BCLAF1: variants seen among roughly 807,000 people sequenced by gnomAD.
BCLAF1 encodes bcl-2-associated transcription factor 1.
In BCLAF1, 10 loss-of-function variants were observed where a neutral mutation model predicts 99.5. The ratio of observed to expected loss-of-function variants is 0.10; its 90% CI spans 0.06 to 0.17. The LOEUF (loss-of-function observed/expected upper bound fraction) is 0.17, where lower values mean the gene tolerates loss of function less well. BCLAF1 is among the 10% of genes least tolerant of loss of function. The pLI is 1.00. For missense variants in BCLAF1, 636 were observed against 1,105.8 expected (o/e 0.58, Z 6.02); for synonymous variants, 255 against 370.9 (o/e 0.69, Z 3.59).
intron 1 of BCLAF1, among the ~76,000 whole-genome samples, chr6:136,284,039 G>C (rs906104992): frequency 2.6e-5 from 4 of 150,964 alleles, no homozygotes; most frequent in Non-Finnish European, 5.9e-5. Flanking sequence ...ACTCCTAGAA[G>C]TGGTACAAGG....
Position 136,259,227 on chromosome 6 carries a change from G to C in BCLAF1, c.*1883C>G, listed in dbSNP as rs573169513. 6.6e-6 allele frequency: 1 copy of C among 151,952 alleles called. No homozygotes were observed. The highest frequency in any genetic ancestry group is 1.5e-5 in the Non-Finnish European group (1 of 67,854). The allele number at this position is 151,952 out of a possible 1,614,324, so 9.4% of individuals were successfully genotyped here. A position where few individuals can be genotyped will look rare whatever the true frequency, so the allele number is the denominator to read the frequency against. On this transcript the variant is annotated 3_prime_UTR_variant, in exon 13 of 13. Coordinates refer to ENST00000531224, the MANE Select transcript of BCLAF1 (RefSeq NM_014739.3). ...AACCAAAGGTTAAAGCAATGCATTT[G>C]AACTTAAAATATAACCTGCCCACAG... is the stretch of plus-strand genomic sequence containing the variant.
At position 136,278,125 on chromosome 6, in the gene BCLAF1, G is replaced by A. The variant is rs777651392; in HGVS notation, c.756C>T (p.His252=). ...CSDAPMLSTV[H]SAKNTPSQHS... ...GCTGAGAAGGAGTATTTTTTGCAGAGTGAACTGTACTGAGCATGGGAGCAT... is the reference window on the plus strand; with the variant it reads ...GCTGAGAAGGAGTATTTTTTGCAGAATGAACTGTACTGAGCATGGGAGCAT... Residue 252 remains histidine, a synonymous_variant, in exon 4 of 13, where the codon CAC becomes CAT. Coordinates refer to ENST00000531224, the MANE Select transcript of BCLAF1 (RefSeq NM_014739.3). 1 of 1,603,104 alleles carries A rather than the reference G, an allele frequency of 6.2e-7. No individual in the cohort carries two copies. Among genetic ancestry groups the A allele is most frequent in the South Asian group, 1.1e-5 (1 of 90,050 alleles).
chr6:136,279,615 C>A, intron 3 of BCLAF1, 148 bp downstream of exon 3: 3 of 840,102 alleles, frequency 3.6e-6, no homozygotes, highest in Non-Finnish European at 4.7e-6. Context: ...CTCATTTTCT[C>A]GCTTACAATA....
rs936620509 is a variant in BCLAF1, at chr6:136,267,423, A to G, written c.2398-248T>C. Among the ~76,000 whole-genome samples, 6 of 151,982 alleles carry G rather than the reference A, an allele frequency of 3.9e-5. No individual in the cohort carries two copies. In the East Asian group the frequency reaches 5.8e-4, roughly 15 times the overall value. On this transcript the variant is annotated intron_variant, in intron 10 of 12. Coordinates refer to ENST00000531224, the MANE Select transcript of BCLAF1 (RefSeq NM_014739.3). The stretch of plus-strand genomic sequence containing the variant: ...TACTGTACTTTCATGGACTGAACTA[A>G]TATTTTTAAATAATCAAGTTGTTTT...
intron 3 of BCLAF1, 130 bp from the exon 4 acceptor site, chr6:136,278,906 G>T: frequency 4.4e-6 from 4 of 903,300 alleles, no homozygotes; most frequent in Non-Finnish European, 6.2e-6. Context: ...AAACTCATCT[G>T]TACAAAAGTT....
intron 8 of BCLAF1, among the ~76,000 whole-genome samples, chr6:136,271,256 T>C (rs928464509): frequency 6.6e-6 from 1 of 151,876 alleles, no homozygotes; most frequent in African/African-American, 2.4e-5. Flanking sequence ...AAGCAGTACT[T>C]CCAAGTCCCC....
chr6:136,260,989 T>A lies in BCLAF1; in HGVS notation c.*121A>T, dbSNP rs998199203. The A allele has an allele frequency of 9.2e-7, 1 of 1,092,768 alleles. No individual in the cohort carries two copies. Among genetic ancestry groups the A allele is most frequent in the African/African-American group, 1.6e-5 (1 of 61,428 alleles). 67.7% of individuals were successfully genotyped at this position (1,092,768 alleles called of 1,614,324 possible). On this transcript the variant is annotated 3_prime_UTR_variant, in exon 13 of 13. Transcript: ENST00000531224. ...TTGAAGACTTAAAACAAAATTTCTA[T>A]AGACTACTTGCAAACAGTAAAATTT...
At chr6:136,272,163 G>A (rs573569277) in intron 7 of BCLAF1, 84 bp from the exon 8 acceptor site, 2 of 965,970 alleles carry the variant, frequency 2.1e-6, no homozygotes, top group Admixed American at 2.6e-5. Flanking sequence ...ATTTTCCTAA[G>A]ACAGTTATTT....
chr6:136,288,255 A>G (rs113977083), intron 1 of BCLAF1, among the ~76,000 whole-genome samples: 1 of 152,300 alleles, frequency 6.6e-6, no homozygotes, highest in Non-Finnish European at 1.5e-5. Flanking sequence ...GTTTACCATG[A>G]GCTACCTTTT....
intron 9 of BCLAF1, 149 bp downstream of exon 9, chr6:136,269,288 G>T: frequency 6.6e-7 from 1 of 1,524,900 alleles, no homozygotes; most frequent in Non-Finnish European, 8.8e-7. Flanking sequence ...CCGTGTAAAA[G>T]ACAAATACAT....
chr6:136,261,929 TG>T (rs1445946374), intron 11 of BCLAF1, among the ~76,000 whole-genome samples: 1 of 152,010 alleles, frequency 6.6e-6, no homozygotes, highest in Non-Finnish European at 1.5e-5. Context: ...ATGAAACTGG[TG>T]GTATGAATTT....
intron 11 of BCLAF1, among the ~76,000 whole-genome samples, chr6:136,262,518 C>G (rs1781147183): frequency 6.6e-6 from 1 of 152,012 alleles, no homozygotes; most frequent in African/African-American, 2.4e-5. Context: ...TGATTAACCC[C>G]CTTCATGACT....
Position 136,278,117 on chromosome 6 carries a change from T to C in BCLAF1, c.764A>G (p.Lys255Arg), listed in dbSNP as rs1305802610. 4 of 1,606,060 alleles carry C rather than the reference T, an allele frequency of 2.5e-6. No individual in the cohort carries two copies. Among genetic ancestry groups the C allele is most frequent in the Non-Finnish European group, 3.4e-6 (4 of 1,174,532 alleles). The change falls in exon 4 of 13, where the codon AAA becomes AGA. Residue 255 changes from lysine (K) to arginine (R), a missense_variant. Physicochemically the swap from Lys to Arg is conservative, Grantham distance 26 (BLOSUM62 2). Around this residue, in one of 9 missense-constraint regions of BCLAF1, gnomAD observed 65 missense variants for 90.9 expected, o/e 0.71. Transcript: ENST00000531224. ...ATGTGAATGCTGAGAAGGAGTATTT[T>C]TTGCAGAGTGAACTGTACTGAGCAT... ...APMLSTVHSAKNTPSQHSHSI... is the reference protein window; with the variant it reads ...APMLSTVHSARNTPSQHSHSI...
chr6:136,282,923 G>A (rs991212390), intron 1 of BCLAF1, among the ~76,000 whole-genome samples: 2 of 151,896 alleles, frequency 1.3e-5, no homozygotes, highest in African/African-American at 4.8e-5. Context: ...TTAACTACTT[G>A]AATTCTAATT....
intron 1 of BCLAF1, among the ~76,000 whole-genome samples, chr6:136,286,586 T>C (rs1207550039): frequency 6.6e-6 from 1 of 152,328 alleles, no homozygotes; most frequent in African/African-American, 2.4e-5. Context: ...GCTAACCACG[T>C]TTACTTAAAA....
At chr6:136,279,990 TA>T in intron 2 of BCLAF1, 114 bp from the exon 3 acceptor site, 1 of 1,178,538 alleles carries the variant, frequency 8.5e-7, no homozygotes, top group East Asian at 2.9e-5. Context: ...CAAAGGCTAT[TA>T]TTCACCATCC....
intron 11 of BCLAF1, among the ~76,000 whole-genome samples, chr6:136,262,554 T>G (rs1452182732): frequency 6.6e-6 from 1 of 152,142 alleles, no homozygotes; most frequent in Non-Finnish European, 1.5e-5. Flanking sequence ...TATGGGTAAC[T>G]AACAGACCAT....
chr6:136,271,599 CTTG>C (rs1256721122), intron 8 of BCLAF1, among the ~76,000 whole-genome samples: 2 of 151,850 alleles, frequency 1.3e-5, no homozygotes, highest in African/African-American at 2.4e-5. Context: ...GGGATTACTT[CTTG>C]TTATCTGTGA....
chr6:136,270,024 T>C (rs1355946855), intron 8 of BCLAF1: 1 of 153,312 alleles, frequency 6.5e-6, no homozygotes, highest in East Asian at 1.9e-4. Context: ...TAATGTAGCC[T>C]TCTACCTAAA....
Sources: allele counts gnomAD v4.1 joint callset (sites outside exome capture counted in the v4.1 genomes callset), GRCh38; gene constraint gnomAD v4.1.1; regional missense constraint gnomAD v4.1.1; transcripts MANE v1.5; gene names NCBI Gene and HGNC (gene_info 2026-07-23, HGNC 2026-07-21).